CTNNA3: variants seen among roughly 807,000 people sequenced by gnomAD.
CTNNA3 encodes the protein catenin alpha 3, also known as catenin alpha-3.
Under a neutral mutation model 95.7 loss-of-function variants are expected in CTNNA3, and 76 were observed. That is an observed-to-expected ratio of 0.79 (90% CI 0.66 to 0.96). CTNNA3 has a LOEUF of 0.96. Among genes scored for constraint, CTNNA3 ranks in the 40% least tolerant of loss-of-function variants. The probability of loss-of-function intolerance (pLI) is 0.00; values close to 1 mark genes in which losing one functional copy is unlikely to be tolerated. For missense variants in CTNNA3, 1,191 were observed against 1,089.8 expected (o/e 1.09, Z -1.31); for synonymous variants, 431 against 374.4 (o/e 1.15, Z -1.74).
chr10:66,879,137 C>A (rs1431862616), intron 7 of CTNNA3, among the ~76,000 whole-genome samples: 2 of 152,096 alleles, frequency 1.3e-5, no homozygotes, highest in East Asian at 3.9e-4. Context: ...AGGATTTGAA[C>A]CCACAACTGT....
At chr10:66,754,796 C>A (rs575073559) in intron 9 of CTNNA3, among the ~76,000 whole-genome samples, 29 of 152,150 alleles carry the variant, frequency 1.9e-4, no homozygotes, top group Admixed American at 3.3e-4. Context: ...TAATCAAAGG[C>A]AAATAGTAAC....
chr10:66,980,565 T>TTCTGTTTCCCAAGCAAAAATCAGAATTGA (rs1564809959), intron 7 of CTNNA3, among the ~76,000 whole-genome samples: 5 of 152,076 alleles, frequency 3.3e-5, no homozygotes, highest in South Asian at 2.1e-4. Context: ...GAGACCTTCC[T>TTCTGTTTCCCAAGCAAAAATCAGAATTGA]ACCCACCTGT....
chr10:67,654,633 G>C (rs12411623), intron 1 of CTNNA3, among the ~76,000 whole-genome samples: 1 of 151,820 alleles, frequency 6.6e-6, no homozygotes, highest in Admixed American at 6.6e-5. Context: ...GACCACAGGC[G>C]CGCACCACCA....
intron 7 of CTNNA3, among the ~76,000 whole-genome samples, chr10:67,154,409 G>T (rs1286005098): frequency 2.0e-5 from 3 of 152,074 alleles, no homozygotes; most frequent in African/African-American, 7.2e-5. Flanking sequence ...TTCAACTTCA[G>T]CAGGAGTCAT....
intron 3 of CTNNA3, among the ~76,000 whole-genome samples, chr10:67,571,321 CA>C (rs1841968624): frequency 1.3e-5 from 2 of 152,046 alleles, no homozygotes. Context: ...TGTGTATCTC[CA>C]TTTCCCTTTA....
At chr10:66,817,103 A>G (rs1355673199) in intron 7 of CTNNA3, among the ~76,000 whole-genome samples, 1 of 152,024 alleles carries the variant, frequency 6.6e-6, no homozygotes, top group Non-Finnish European at 1.5e-5. Context: ...AGAAGATTTT[A>G]TCTTAGGGTA....
intron 7 of CTNNA3, among the ~76,000 whole-genome samples, chr10:66,984,898 T>G (rs1850640528): frequency 2.0e-5 from 3 of 151,918 alleles, no homozygotes. Context: ...TTTTGGTGCT[T>G]TTTTTTTGTT....
At chr10:66,952,212 G>C (rs1564790430) in intron 7 of CTNNA3, among the ~76,000 whole-genome samples, 1 of 152,168 alleles carries the variant, frequency 6.6e-6, no homozygotes, top group Non-Finnish European at 1.5e-5. Context: ...TCTTTGCTAA[G>C]ATCCAAAATG....
At chr10:66,100,620 T>C (rs983436245) in intron 14 of CTNNA3, among the ~76,000 whole-genome samples, 1 of 152,122 alleles carries the variant, frequency 6.6e-6, no homozygotes, top group Non-Finnish European at 1.5e-5. Context: ...TTCAGGGTAG[T>C]TTCCACAACA....
At chr10:67,572,017 T>C (rs1182350652) in intron 3 of CTNNA3, among the ~76,000 whole-genome samples, 2 of 152,202 alleles carry the variant, frequency 1.3e-5, no homozygotes, top group African/African-American at 2.4e-5. Flanking sequence ...AGATGTTTTA[T>C]AAGGGTAAAA....
intron 7 of CTNNA3, among the ~76,000 whole-genome samples, chr10:66,984,599 G>C (rs372290112): frequency 6.6e-6 from 1 of 152,044 alleles, no homozygotes; most frequent in Non-Finnish European, 1.5e-5. Flanking sequence ...TTCTCAATGC[G>C]TTCATGATTC....
intron 9 of CTNNA3, among the ~76,000 whole-genome samples, chr10:66,685,298 T>TAC (rs1847234102): frequency 3.2e-5 from 3 of 92,478 alleles, no homozygotes; most frequent in South Asian, 7.1e-4. Flanking sequence ...TATATATGTG[T>TAC]GTATATATAT....
At chr10:67,060,732 A>G (rs1855710318) in intron 7 of CTNNA3, among the ~76,000 whole-genome samples, 1 of 152,124 alleles carries the variant, frequency 6.6e-6, no homozygotes. Context: ...CAGATGATGT[A>G]GCTAGAAAAC....
intron 11 of CTNNA3, among the ~76,000 whole-genome samples, chr10:66,424,501 C>A (rs946846351): frequency 1.9e-4 from 29 of 151,948 alleles, no homozygotes; most frequent in African/African-American, 5.8e-4. Flanking sequence ...GAAATGAATT[C>A]TCATTGTCTT....
At chr10:66,611,149 A>G (rs1463472736) in intron 10 of CTNNA3, among the ~76,000 whole-genome samples, 4 of 152,112 alleles carry the variant, frequency 2.6e-5, no homozygotes, top group African/African-American at 9.7e-5. Flanking sequence ...AATAAGGGGC[A>G]GTGAAGAGAA....
intron 11 of CTNNA3, among the ~76,000 whole-genome samples, chr10:66,507,506 C>T (rs185908025): frequency 6.6e-6 from 1 of 152,042 alleles, no homozygotes; most frequent in Non-Finnish European, 1.5e-5. Context: ...CCTCCTTCTC[C>T]CTTACTGTTC....
intron 11 of CTNNA3, among the ~76,000 whole-genome samples, chr10:66,494,415 G>A (rs1840034548): frequency 2.0e-5 from 3 of 152,186 alleles, no homozygotes; most frequent in African/African-American, 7.2e-5. Flanking sequence ...CACAGAGACA[G>A]TAGAAAACAT....
intron 4 of CTNNA3, among the ~76,000 whole-genome samples, chr10:67,528,328 C>T (rs1840211685): frequency 6.6e-6 from 1 of 152,068 alleles, no homozygotes; most frequent in South Asian, 2.1e-4. Context: ...CATTACCCTG[C>T]TTAAAATTCT....
At chr10:67,603,343 G>A (rs1310604561) in intron 3 of CTNNA3, among the ~76,000 whole-genome samples, 2 of 152,116 alleles carry the variant, frequency 1.3e-5, no homozygotes, top group African/African-American at 4.8e-5. Context: ...TAGTAGAGTC[G>A]AAAAACTCCT....
Sources: gnomAD v4.1 joint callset for allele counts (sites outside exome capture counted in the v4.1 genomes callset) on GRCh38, gnomAD v4.1.1 for gene constraint, MANE v1.5 for transcripts, NCBI Gene and HGNC (gene_info 2026-07-23, HGNC 2026-07-21) for gene names.